Variants in HDAC9 observed in about 807,000 individuals in gnomAD.
HDAC9 encodes MEF-2 interacting transcription repressor (MITR) protein.
HDAC9 carries 41 observed loss-of-function variants against 139.4 expected under a neutral mutation model. That is an observed-to-expected ratio of 0.29 (90% CI 0.23 to 0.38). The LOEUF is 0.38. HDAC9 is among the 10% of genes least tolerant of loss of function. HDAC9 has a pLI of 1.00. For synonymous variants in HDAC9, 517 were observed against 476.2 expected, an observed-to-expected ratio of 1.09 and a Z score of -1.12; for missense variants, 1,147 against 1,297.0, an observed-to-expected ratio of 0.88 and a Z score of 1.78.
At position 18,999,313 on chromosome 7, in the gene HDAC9, T is replaced by C. The variant is rs1786635582; in HGVS notation, c.*3251T>C. The C allele has an allele frequency of 6.6e-6, 1 of 152,206 alleles. No homozygotes were observed. The highest frequency in any genetic ancestry group is 2.4e-5 in the African/African-American group (1 of 41,436). 9.4% of individuals were successfully genotyped at this position (152,206 alleles called of 1,614,324 possible). ...AAATTACAGGACTGGTCTCTCTTAATAGTTTAGTCCTGCTTTATTTCCAAA... is the reference window on the plus strand; with the variant it reads ...AAATTACAGGACTGGTCTCTCTTAACAGTTTAGTCCTGCTTTATTTCCAAA... On this transcript the variant is annotated 3_prime_UTR_variant, in exon 26 of 26. Coordinates refer to ENST00000686413, the MANE Select transcript of HDAC9 (RefSeq NM_178425.4).
intron 1 of HDAC9, among the ~76,000 whole-genome samples, chr7:18,392,250 C>CTCTTTCTA (rs997926630): frequency 2.6e-5 from 4 of 151,538 alleles, no homozygotes; most frequent in African/African-American, 9.7e-5. Context: ...ATTATACATT[C>CTCTTTCTA]TCTTTCTATC....
chr7:18,579,541 GC>G (rs1186492752), intron 2 of HDAC9, among the ~76,000 whole-genome samples: 1 of 152,130 alleles, frequency 6.6e-6, no homozygotes, highest in Admixed American at 6.5e-5. Flanking sequence ...TTTGTATATC[GC>G]CAAATCCAGA....
At chr7:18,131,024 A>G (rs1181939476) in intron 1 of HDAC9, among the ~76,000 whole-genome samples, 1 of 152,088 alleles carries the variant, frequency 6.6e-6, no homozygotes, top group Non-Finnish European at 1.5e-5. Context: ...AATCTTTACA[A>G]ATCACCAGTT....
At chr7:18,593,176 C>T (rs957305730) in intron 5 of HDAC9, among the ~76,000 whole-genome samples, 2 of 151,948 alleles carry the variant, frequency 1.3e-5, no homozygotes, top group Admixed American at 1.3e-4. Flanking sequence ...ATAAATAATA[C>T]TGGTAGAACA....
intron 12 of HDAC9, among the ~76,000 whole-genome samples, chr7:18,676,379 C>T (rs1268202883): frequency 6.6e-6 from 1 of 151,392 alleles, no homozygotes; most frequent in Non-Finnish European, 1.5e-5. Context: ...TAGGTAAATG[C>T]TCAAAGAACT....
chr7:18,946,037 A>AAAAT (rs1491353184), intron 23 of HDAC9, among the ~76,000 whole-genome samples: 4 of 17,874 alleles, frequency 2.2e-4, no homozygotes, highest in Admixed American at 4.5e-4. Flanking sequence ...ACTCCGTCTC[A>AAAAT]AAAAAAAAAA....
At chr7:18,897,906 T>C (rs1256792831) in intron 22 of HDAC9, among the ~76,000 whole-genome samples, 3 of 151,882 alleles carry the variant, frequency 2.0e-5, no homozygotes, top group Non-Finnish European at 4.4e-5. Flanking sequence ...AAATATCGTG[T>C]CCATGTGTGA....
intron 2 of HDAC9, among the ~76,000 whole-genome samples, chr7:18,185,300 C>G (rs1323642704): frequency 1.3e-5 from 2 of 152,206 alleles, no homozygotes; most frequent in South Asian, 4.1e-4. Context: ...ACCACCACCT[C>G]AATGATACTG....
chr7:18,654,998 T>G (rs1790629552), intron 11 of HDAC9, among the ~76,000 whole-genome samples: 1 of 152,168 alleles, frequency 6.6e-6, no homozygotes, highest in African/African-American at 2.4e-5. Context: ...TGCCGTTGTT[T>G]TAGATTGGAC....
chr7:18,363,168 G>A (rs1295255413), intron 1 of HDAC9, among the ~76,000 whole-genome samples: 1 of 152,108 alleles, frequency 6.6e-6, no homozygotes, highest in Non-Finnish European at 1.5e-5. Context: ...ATTTAATAAG[G>A]TGGGTTTTCC....
intron 1 of HDAC9, among the ~76,000 whole-genome samples, chr7:18,489,965 G>T (rs112610175): frequency 2.6e-5 from 4 of 152,040 alleles, no homozygotes; most frequent in African/African-American, 9.6e-5. Flanking sequence ...GCTCTCATTC[G>T]CAAGCTAGAG....
chr7:18,164,879 C>T (rs1027591910), intron 2 of HDAC9, among the ~76,000 whole-genome samples: 2 of 152,194 alleles, frequency 1.3e-5, no homozygotes, highest in African/African-American at 2.4e-5. Flanking sequence ...AGATTGGCAG[C>T]TAGCTGCTGC....
At chr7:18,862,902 A>G (rs1320041621) in intron 21 of HDAC9, among the ~76,000 whole-genome samples, 2 of 152,042 alleles carry the variant, frequency 1.3e-5, no homozygotes, top group Non-Finnish European at 2.9e-5. Flanking sequence ...TATATGTCAC[A>G]TTTTCTGAAG....
intron 9 of HDAC9, among the ~76,000 whole-genome samples, chr7:18,647,433 G>A (rs1787784633): frequency 6.6e-6 from 1 of 151,970 alleles, no homozygotes; most frequent in Admixed American, 6.6e-5. Context: ...ATTTTCACAT[G>A]TACAATATAT....
intron 2 of HDAC9, among the ~76,000 whole-genome samples, chr7:18,521,208 C>G (rs1213547170): frequency 6.6e-6 from 1 of 152,114 alleles, no homozygotes; most frequent in Non-Finnish European, 1.5e-5. Context: ...AAATTACATT[C>G]TGCTACAAAC....
intron 12 of HDAC9, among the ~76,000 whole-genome samples, chr7:18,670,208 A>T (rs1367122393): frequency 6.6e-6 from 1 of 152,008 alleles, no homozygotes; most frequent in Non-Finnish European, 1.5e-5. Flanking sequence ...GAACTTGGAG[A>T]TACAAAAGAA....
chr7:18,642,207 C>G (rs1422172017), intron 8 of HDAC9, among the ~76,000 whole-genome samples: 1 of 152,072 alleles, frequency 6.6e-6, no homozygotes, highest in Non-Finnish European at 1.5e-5. Context: ...CAAGAATTGT[C>G]TCCATGACTT....
intron 22 of HDAC9, among the ~76,000 whole-genome samples, chr7:18,934,930 G>A (rs969796965): frequency 2.0e-5 from 3 of 152,122 alleles, no homozygotes; most frequent in Non-Finnish European, 2.9e-5. Context: ...ATAGAAGAAT[G>A]GGTAACCTCT....
chr7:18,297,229 ATTTTTATTTAAAAACT>A (rs1231999345), intron 1 of HDAC9, among the ~76,000 whole-genome samples: 2 of 152,166 alleles, frequency 1.3e-5, no homozygotes, highest in Non-Finnish European at 2.9e-5. Flanking sequence ...GCTTTTGCTT[ATTTTTATTTAAAAACT>A]TTTTTATTTA....
Sources: allele counts gnomAD v4.1 joint callset (sites outside exome capture counted in the v4.1 genomes callset), GRCh38; gene constraint gnomAD v4.1.1; transcripts MANE v1.5; gene names NCBI Gene and HGNC (gene_info 2026-07-23, HGNC 2026-07-21).